The following BMERB1 variants were observed in gnomAD, a reference collection of about 807,000 sequenced individuals.
The protein encoded by BMERB1 is bMERB domain-containing protein 1.
In BMERB1, 12 loss-of-function variants were observed where a neutral mutation model predicts 23.6. That is an observed-to-expected ratio of 0.51 (90% CI 0.33 to 0.82). The LOEUF (loss-of-function observed/expected upper bound fraction) is 0.82, where lower values mean the gene tolerates loss of function less well. Among genes scored for constraint, BMERB1 ranks in the 40% least tolerant of loss-of-function variants. The pLI is 0.03. For missense variants in BMERB1, 247 were observed against 255.4 expected (o/e 0.97, Z 0.22); for synonymous variants, 122 against 96.6 (o/e 1.26, Z -1.54).
At chr16:15,583,977 T>G (rs2031079408) in intron 5 of BMERB1, 1 of 700,416 alleles carries the variant, frequency 1.4e-6, no homozygotes, top group Non-Finnish European at 2.6e-6. Context: ...GGGTAGCTAC[T>G]GAGGCTCAGG....
At chr16:15,440,841 G>T (rs1268422593) in intron 1 of BMERB1, among the ~76,000 whole-genome samples, 2 of 152,248 alleles carry the variant, frequency 1.3e-5, no homozygotes, top group African/African-American at 2.4e-5. Flanking sequence ...GAGAGTGAAG[G>T]CGTCAAATAT....
chr16:15,524,675 G>T (rs1449903018), intron 2 of BMERB1, among the ~76,000 whole-genome samples: 1 of 152,164 alleles, frequency 6.6e-6, no homozygotes, highest in African/African-American at 2.4e-5. Flanking sequence ...GAGGCTTGAG[G>T]CACAAGAGTT....
At chr16:15,470,663 T>C (rs188302590) in intron 1 of BMERB1, among the ~76,000 whole-genome samples, 1 of 150,280 alleles carries the variant, frequency 6.7e-6, no homozygotes, top group East Asian at 2.0e-4. Flanking sequence ...GTAGCTGGGA[T>C]TACAGGCACA....
intron 1 of BMERB1, among the ~76,000 whole-genome samples, chr16:15,451,604 G>C (rs1039986362): frequency 2.1e-5 from 3 of 144,966 alleles, no homozygotes; most frequent in Non-Finnish European, 4.5e-5. Context: ...TGTTACCGAG[G>C]CCAGAGTGCA....
intron 2 of BMERB1, among the ~76,000 whole-genome samples, chr16:15,520,164 G>A (rs1411997146): frequency 1.3e-5 from 2 of 152,038 alleles, no homozygotes; most frequent in Non-Finnish European, 2.9e-5. Context: ...AAAGTGACTT[G>A]TTCGAGGTCA....
intron 1 of BMERB1, among the ~76,000 whole-genome samples, chr16:15,439,022 T>C (rs780409546): frequency 3.9e-5 from 6 of 152,216 alleles, no homozygotes; most frequent in Non-Finnish European, 8.8e-5. Flanking sequence ...TTTTAAAATA[T>C]TTTATGTTAA....
chr16:15,577,043 T>A (rs141783840), intron 3 of BMERB1: 6 of 152,184 alleles, frequency 3.9e-5, no homozygotes, highest in African/African-American at 1.4e-4. Flanking sequence ...GCATAGTGCA[T>A]GGGAAGGCTG....
chr16:15,568,102 C>G (rs947641045), intron 3 of BMERB1, 46 bp downstream of exon 3: 3 of 1,577,302 alleles, frequency 1.9e-6, no homozygotes, highest in African/African-American at 1.3e-5. Flanking sequence ...TGCTTGGGGG[C>G]CCCCAGCCTG....
chr16:15,437,504 A>G (rs1193852655), intron 1 of BMERB1, among the ~76,000 whole-genome samples: 1 of 152,218 alleles, frequency 6.6e-6, no homozygotes, highest in African/African-American at 2.4e-5. Context: ...TTATGTAAAT[A>G]TTGGTCAATT....
intron 1 of BMERB1, among the ~76,000 whole-genome samples, chr16:15,455,726 T>C (rs2051081590): frequency 6.6e-6 from 1 of 152,090 alleles, no homozygotes; most frequent in Non-Finnish European, 1.5e-5. Context: ...CCTCCCAAAG[T>C]GCTGGGATTA....
chr16:15,563,107 C>T (rs758947765), intron 2 of BMERB1, among the ~76,000 whole-genome samples: 29 of 152,194 alleles, frequency 1.9e-4, no homozygotes, highest in South Asian at 2.1e-4. Flanking sequence ...TGAGGCCGGG[C>T]GCAGTGGCTC....
chr16:15,568,546 G>A (rs1008778538), intron 3 of BMERB1, among the ~76,000 whole-genome samples: 1 of 152,146 alleles, frequency 6.6e-6, no homozygotes, highest in Non-Finnish European at 1.5e-5. Context: ...GCTGAGGCAG[G>A]AGAATCACTT....
At chr16:15,462,075 C>T (rs1213989786) in intron 1 of BMERB1, among the ~76,000 whole-genome samples, 6 of 144,026 alleles carry the variant, frequency 4.2e-5, no homozygotes, top group South Asian at 2.3e-4. Flanking sequence ...ATATTTGGGA[C>T]ATACTTATCC....
rs964219384 is a variant in BMERB1, at chr16:15,585,610, T to C, written c.503-1107T>C. ...ACTTTGGGAGGCCAAGGTGGGCAGATCATGAGGTCAGGAGCTCGAGACCAG... is the reference window on the plus strand; with the variant it reads ...ACTTTGGGAGGCCAAGGTGGGCAGACCATGAGGTCAGGAGCTCGAGACCAG... On this transcript the variant is annotated intron_variant, in intron 5 of 5. Coordinates refer to ENST00000300006, the MANE Select transcript of BMERB1 (RefSeq NM_033201.3). Among the ~76,000 whole-genome samples the C allele has an allele frequency of 2.0e-5, 3 of 152,212 alleles. No homozygotes were observed. In the South Asian group the frequency reaches 6.2e-4, roughly 32 times the overall value.
chr16:15,436,119 G>A (rs1219957719), intron 1 of BMERB1, among the ~76,000 whole-genome samples: 1 of 152,030 alleles, frequency 6.6e-6, no homozygotes, highest in Admixed American at 6.6e-5. Flanking sequence ...GGCATACAAT[G>A]TGTAATAATC....
intron 1 of BMERB1, among the ~76,000 whole-genome samples, chr16:15,455,744 G>T (rs1312696001): frequency 6.6e-6 from 1 of 152,136 alleles, no homozygotes; most frequent in Non-Finnish European, 1.5e-5. Context: ...TTACAGGCAT[G>T]AGCCACCGCG....
chr16:15,533,505 C>T (rs1042547419), intron 2 of BMERB1, among the ~76,000 whole-genome samples: 1 of 152,028 alleles, frequency 6.6e-6, no homozygotes, highest in African/African-American at 2.4e-5. Context: ...AACAATCCTC[C>T]TGCGTCAGCC....
intron 2 of BMERB1, among the ~76,000 whole-genome samples, chr16:15,532,472 C>T (rs141124751): frequency 2.8e-4 from 43 of 152,136 alleles, no homozygotes; most frequent in Admixed American, 6.5e-4. Context: ...TCGTGATTCG[C>T]CTGCCTCGGC....
At chr16:15,568,145 G>C (rs2030629146) in intron 3 of BMERB1, 89 bp downstream of exon 3, 11 of 1,124,946 alleles carry the variant, frequency 9.8e-6, no homozygotes, top group Admixed American at 2.1e-5. Context: ...GGAAGACAGA[G>C]CCTCATTCTT....
Sources: allele counts gnomAD v4.1 joint callset (sites outside exome capture counted in the v4.1 genomes callset), GRCh38; gene constraint gnomAD v4.1.1; transcripts MANE v1.5; gene names NCBI Gene and HGNC (gene_info 2026-07-23, HGNC 2026-07-21).